Variants in ZNF521 observed in about 807,000 individuals in gnomAD.
ZNF521 encodes the protein LYST-interacting protein 3.
In ZNF521, 14 loss-of-function variants were observed where a neutral mutation model predicts 105.5. The observed-to-expected ratio is 0.13, with a 90% confidence interval of 0.09 to 0.21. ZNF521 has a LOEUF of 0.21. ZNF521 is among the 10% of genes least tolerant of loss of function. The probability of loss-of-function intolerance (pLI) is 1.00; values close to 1 mark genes in which losing one functional copy is unlikely to be tolerated. For missense variants in ZNF521, 1,233 were observed against 1,629.7 expected (o/e 0.76, Z 4.19); for synonymous variants, 635 against 606.0 (o/e 1.05, Z -0.70).
intron 2 of ZNF521, among the ~76,000 whole-genome samples, chr18:25,332,566 A>G (rs996868567): frequency 2.0e-5 from 3 of 152,196 alleles, no homozygotes; most frequent in Admixed American, 1.3e-4. Flanking sequence ...AAAATAGATC[A>G]TTATTGATTT....
chr18:25,331,955 A>G (rs181659878), intron 2 of ZNF521, among the ~76,000 whole-genome samples: 66 of 149,724 alleles, frequency 4.4e-4, no homozygotes, highest in Non-Finnish European at 5.9e-4. Flanking sequence ...TATTTGAAAG[A>G]CAAGAACAAT....
At chr18:25,244,009 A>G (rs756843146) in intron 3 of ZNF521, among the ~76,000 whole-genome samples, 2 of 152,130 alleles carry the variant, frequency 1.3e-5, no homozygotes, top group African/African-American at 2.4e-5. Flanking sequence ...GCTTCAGAAC[A>G]CCAAACTTAC....
intron 5 of ZNF521, among the ~76,000 whole-genome samples, chr18:25,153,929 T>C (rs2035096028): frequency 1.3e-5 from 2 of 152,294 alleles, no homozygotes; most frequent in African/African-American, 4.8e-5. Context: ...TCCTGAGTAT[T>C]TCCAGTTCTA....
intron 5 of ZNF521, among the ~76,000 whole-genome samples, chr18:25,093,780 C>A (rs746163770): frequency 6.6e-6 from 1 of 152,034 alleles, no homozygotes; most frequent in Non-Finnish European, 1.5e-5. Flanking sequence ...ACTGACATGA[C>A]AAGGGGTTAT....
At chr18:25,115,975 T>C (rs1047478299) in intron 5 of ZNF521, among the ~76,000 whole-genome samples, 1 of 152,198 alleles carries the variant, frequency 6.6e-6, no homozygotes, top group Non-Finnish European at 1.5e-5. Context: ...AGTATATTAA[T>C]AGAGATAAGC....
chr18:25,111,214 C>G (rs1288208959), intron 5 of ZNF521, among the ~76,000 whole-genome samples: 1 of 152,058 alleles, frequency 6.6e-6, no homozygotes, highest in African/African-American at 2.4e-5. Flanking sequence ...GCCTTCCCTG[C>G]AAAGTTTTCT....
intron 3 of ZNF521, among the ~76,000 whole-genome samples, chr18:25,273,072 A>G (rs1909772745): frequency 6.6e-6 from 1 of 151,378 alleles, no homozygotes; most frequent in South Asian, 2.1e-4. Flanking sequence ...ACAAAAAATA[A>G]AAAATTTAGC....
chr18:25,223,847 G>A (rs1905902548), intron 4 of ZNF521, among the ~76,000 whole-genome samples: 1 of 152,096 alleles, frequency 6.6e-6, no homozygotes, highest in Admixed American at 6.5e-5. Flanking sequence ...TCTCTACCCA[G>A]AAGACAAAGA....
intron 4 of ZNF521, among the ~76,000 whole-genome samples, chr18:25,220,567 G>A (rs188627210): frequency 6.6e-6 from 1 of 152,274 alleles, no homozygotes; most frequent in East Asian, 1.9e-4. Flanking sequence ...CTGTTTTCTT[G>A]TCTGTAAAAT....
rs570340449 is a variant in ZNF521 at position 25,181,476 on chromosome 18, C to T, written c.3658+13684G>A. On this transcript the variant is annotated intron_variant, in intron 5 of 7. Transcript: ENST00000361524. ...TTTAATCACGTAAAAACATCACAGG[C>T]GCACAGCTCCCTTTCAACAAGCTGC... Among the ~76,000 whole-genome samples the T allele has an allele frequency of 5.3e-5, 8 of 152,196 alleles. No homozygotes were observed. In the East Asian group the frequency reaches 5.8e-4, roughly 11 times the overall value.
chr18:25,291,536 A>G (rs373532660), intron 3 of ZNF521, among the ~76,000 whole-genome samples: 4 of 152,330 alleles, frequency 2.6e-5, no homozygotes, highest in Middle Eastern at 3.4e-3. Context: ...TACTTAATTC[A>G]TAGGAAGCCT....
At chr18:25,085,958 GA>G (rs1440347644) in intron 7 of ZNF521, among the ~76,000 whole-genome samples, 1 of 151,992 alleles carries the variant, frequency 6.6e-6, no homozygotes, top group Non-Finnish European at 1.5e-5. Flanking sequence ...CACCTTGATA[GA>G]AAAGCCAAAT....
intron 5 of ZNF521, among the ~76,000 whole-genome samples, chr18:25,165,088 C>A (rs777753700): frequency 3.7e-4 from 56 of 152,130 alleles, no homozygotes; most frequent in Non-Finnish European, 6.5e-4. Context: ...CTTTTAACCC[C>A]ATATGGTTTT....
At chr18:25,124,117 C>T (rs2034494676) in intron 5 of ZNF521, among the ~76,000 whole-genome samples, 1 of 152,086 alleles carries the variant, frequency 6.6e-6, no homozygotes, top group Admixed American at 6.5e-5. Flanking sequence ...ACAGAATGCT[C>T]TTTTCTCTAA....
chr18:25,192,044 T>A (rs750636005), intron 5 of ZNF521, among the ~76,000 whole-genome samples: 3 of 152,136 alleles, frequency 2.0e-5, no homozygotes, highest in Non-Finnish European at 2.9e-5. Flanking sequence ...TTGGCACAGA[T>A]CTTAAAAGAG....
intron 5 of ZNF521, among the ~76,000 whole-genome samples, chr18:25,112,049 A>G (rs1433898666): frequency 6.6e-6 from 1 of 152,204 alleles, no homozygotes; most frequent in Non-Finnish European, 1.5e-5. Flanking sequence ...CCAAATCTGC[A>G]GGAGGCTCCA....
chr18:25,273,652 G>A (rs934423237), intron 3 of ZNF521: 5 of 152,188 alleles, frequency 3.3e-5, no homozygotes, highest in African/African-American at 1.2e-4. Context: ...GGTATGTATA[G>A]TACTTAGAGT....
intron 7 of ZNF521, among the ~76,000 whole-genome samples, chr18:25,082,075 T>G (rs772035878): frequency 6.6e-6 from 1 of 152,114 alleles, no homozygotes; most frequent in African/African-American, 2.4e-5. Context: ...ATAAAAGAGA[T>G]AGATCAATTT....
chr18:25,148,761 T>A (rs1372948020), intron 5 of ZNF521, among the ~76,000 whole-genome samples: 2 of 152,170 alleles, frequency 1.3e-5, no homozygotes, highest in Non-Finnish European at 2.9e-5. Context: ...TCTTTTCACT[T>A]GTCATAAATT....
Sources: allele counts gnomAD v4.1 joint callset (sites outside exome capture counted in the v4.1 genomes callset), GRCh38; gene constraint gnomAD v4.1.1; transcripts MANE v1.5; gene names NCBI Gene and HGNC (gene_info 2026-07-23, HGNC 2026-07-21).